Variants in MRPS25 observed in about 807,000 individuals in gnomAD.
MRPS25 encodes mitochondrial ribosomal protein S25, also known as small ribosomal subunit protein mS25.
MRPS25 carries 15 observed loss-of-function variants against 17.3 expected under a neutral mutation model. The ratio of observed to expected loss-of-function variants is 0.87; its 90% CI spans 0.58 to 1.34. The LOEUF is 1.34. Among genes scored for constraint, MRPS25 ranks in the 40% most tolerant of loss-of-function variants. The pLI is 0.00. For missense variants in MRPS25, 225 were observed against 218.6 expected (o/e 1.03, Z -0.19); for synonymous variants, 94 against 83.3 (o/e 1.13, Z -0.70).
rs2042615523 is a variant in MRPS25, at chr3:15,052,290, C to G, written c.*151G>C. The G allele has an allele frequency of 7.0e-7, 1 of 1,422,230 alleles. No individual in the cohort carries two copies. Among genetic ancestry groups the G allele is most frequent in the African/African-American group, 1.4e-5 (1 of 69,794 alleles). The allele number at this position is 1,422,230 out of a possible 1,614,324, so 88.1% of individuals were successfully genotyped here. Reference sequence around the variant, plus strand: ...GCTTCAGACCCTCCTCTCCCACATCCTTTTACACAGGTGTGTAAAGTCCTT... The same window carrying G: ...GCTTCAGACCCTCCTCTCCCACATCGTTTTACACAGGTGTGTAAAGTCCTT... On this transcript the variant is annotated 3_prime_UTR_variant, in exon 4 of 4. Transcript: ENST00000253686.
downstream of MRPS25, chr3:15,047,839 T>TA (rs1553579627): frequency 2.6e-5 from 4 of 152,248 alleles, no homozygotes; most frequent in Non-Finnish European, 5.9e-5. Flanking sequence ...CTCCTTTCTA[T>TA]AAGTTATGAT....
intron 2 of MRPS25, among the ~76,000 whole-genome samples, chr3:15,054,112 T>TGGGAGGCAGAACTGCTTGAACCC (rs1285752236): frequency 2.6e-5 from 4 of 151,548 alleles, no homozygotes; most frequent in Admixed American, 6.6e-5. Flanking sequence ...AAAAATTAGC[T>TGGGAGGCAGAACTGCTTGAACCC]GGGAGGCAGA....
In MRPS25 at chr3:15,053,519, A is replaced by AG. The variant is rs759488374; in HGVS notation, c.242-53dup. ...GAGAAACAGAACTCACAGCGCACTC[A>AG]GCCTCAAAAAGTTGTAATTTGGGAC... is the stretch of plus-strand genomic sequence containing the variant. On this transcript the variant is annotated intron_variant, in intron 2 of 3. Coordinates refer to ENST00000253686, the MANE Select transcript of MRPS25 (RefSeq NM_022497.5). The AG allele has an allele frequency of 5.0e-6, 8 of 1,609,908 alleles. No homozygotes were observed. The South Asian group carries it at 8.8e-5, about 18-fold the overall frequency.
At chr3:15,064,853 C>A (rs951140859) in intron 1 of MRPS25, among the ~76,000 whole-genome samples, 5 of 152,210 alleles carry the variant, frequency 3.3e-5, no homozygotes, top group African/African-American at 1.2e-4. Flanking sequence ...CTCCGCCCCC[C>A]AAACCTCGTC....
At chr3:15,064,938 C>A in intron 1 of MRPS25, 123 bp downstream of exon 1, 3 of 1,295,460 alleles carry the variant, frequency 2.3e-6, no homozygotes, top group South Asian at 2.8e-5. Flanking sequence ...GGTAACAGCG[C>A]CGACCTGGGG....
rs371785281 is a variant in MRPS25 at position 15,050,822 on chromosome 3, A to G, written c.*1619T>C. 2.0e-6 allele frequency: 2 copies of G among 985,388 alleles called. No individual in the cohort carries two copies. The highest frequency in any genetic ancestry group is 2.4e-6 in the Non-Finnish European group (2 of 829,950). The allele number at this position is 985,388 out of a possible 1,614,324, so 61.0% of individuals were successfully genotyped here. ...CAAACCCAGATCTGGTACAGAATCA[A>G]ACTTGAGCATCAAATGTAAAAGATC... On this transcript the variant is annotated 3_prime_UTR_variant, in exon 4 of 4. Coordinates refer to ENST00000253686, the MANE Select transcript of MRPS25 (RefSeq NM_022497.5).
At chr3:15,056,112 G>C (rs1267333190) in intron 2 of MRPS25, among the ~76,000 whole-genome samples, 1 of 151,760 alleles carries the variant, frequency 6.6e-6, no homozygotes, top group Non-Finnish European at 1.5e-5. Context: ...CTACTCGGGA[G>C]GCTGAGGCAG....
chr3:15,045,165 G>C (rs1401337776), downstream of MRPS25: 1 of 152,182 alleles, frequency 6.6e-6, no homozygotes, highest in Non-Finnish European at 1.5e-5. Context: ...CAGCTCAGTG[G>C]TGCCTCTAAC....
At chr3:15,064,273 G>A (rs2042823846) in intron 1 of MRPS25, among the ~76,000 whole-genome samples, 1 of 152,288 alleles carries the variant, frequency 6.6e-6, no homozygotes, top group African/African-American at 2.4e-5. Context: ...CAGAGCCTAA[G>A]GCACTGCTTA....
rs755846776 is a variant in MRPS25, at chr3:15,051,016, C to T, written c.*1425G>A. ...GAAAGCTTTTAGGACTTGACCAAGG[C>T]CCCAGCAGGTAGAGGAATGAAAACT... On this transcript the variant is annotated 3_prime_UTR_variant, in exon 4 of 4. Coordinates refer to ENST00000253686, the MANE Select transcript of MRPS25 (RefSeq NM_022497.5). 5.7e-5 allele frequency: 56 copies of T among 982,908 alleles called. No individual in the cohort carries two copies. The highest frequency in any genetic ancestry group is 6.6e-5 in the Non-Finnish European group (55 of 827,814). 60.9% of individuals were successfully genotyped at this position (982,908 alleles called of 1,614,324 possible). A position where few individuals can be genotyped will look rare whatever the true frequency, so the allele number is the denominator to read the frequency against.
At chr3:15,057,599 C>T (rs557512804) in intron 2 of MRPS25, among the ~76,000 whole-genome samples, 2 of 152,292 alleles carry the variant, frequency 1.3e-5, no homozygotes, top group South Asian at 2.1e-4. Context: ...GAAGGGATAA[C>T]GGGTTGCCTC....
chr3:15,065,294 A>G lies in MRPS25; in HGVS notation c.-100T>C, dbSNP rs1215035744. The G allele has an allele frequency of 5.6e-6, 8 of 1,423,386 alleles. No homozygotes were observed. The Admixed American group carries it at 1.7e-4, about 30-fold the overall frequency. The allele number at this position is 1,423,386 out of a possible 1,614,324, so 88.2% of individuals were successfully genotyped here. ...CGCGGATCTCACGCGGCTTCTCCCCAGAGCCAGGTTCCACTTCCCGCGCAG... is the reference window on the plus strand; with the variant it reads ...CGCGGATCTCACGCGGCTTCTCCCCGGAGCCAGGTTCCACTTCCCGCGCAG... On this transcript the variant is annotated 5_prime_UTR_variant, in exon 1 of 4. Coordinates refer to ENST00000253686, the MANE Select transcript of MRPS25 (RefSeq NM_022497.5).
intron 1 of MRPS25, among the ~76,000 whole-genome samples, chr3:15,062,044 T>TG (rs1351806469): frequency 5.6e-5 from 8 of 142,324 alleles, no homozygotes; most frequent in South Asian, 2.3e-4. Flanking sequence ...GGGAGGGAGT[T>TG]GGGGGTCAGC....
chr3:15,058,726 A>C (rs1429479246), intron 2 of MRPS25, among the ~76,000 whole-genome samples: 1 of 152,200 alleles, frequency 6.6e-6, no homozygotes, highest in Non-Finnish European at 1.5e-5. Flanking sequence ...TAAGGCAGAC[A>C]TTTTGCCTTC....
chr3:15,062,058 C>T (rs1216242007), intron 1 of MRPS25, among the ~76,000 whole-genome samples: 17 of 149,922 alleles, frequency 1.1e-4, no homozygotes, highest in East Asian at 4.1e-4. Context: ...GGTCAGCCCC[C>T]GCCAGGCCAG....
In MRPS25 at chr3:15,052,115, A is replaced by T. The variant is rs2042613867; in HGVS notation, c.*326T>A. ...CAGTAAAGGGTCGCAGGACCAAAACAGGTGTCAACAGGCTGTGGCCTTAAC... is the reference window on the plus strand; with the variant it reads ...CAGTAAAGGGTCGCAGGACCAAAACTGGTGTCAACAGGCTGTGGCCTTAAC... On this transcript the variant is annotated 3_prime_UTR_variant, in exon 4 of 4. Coordinates refer to ENST00000253686, the MANE Select transcript of MRPS25 (RefSeq NM_022497.5). 1.9e-6 allele frequency: 2 copies of T among 1,067,756 alleles called. No individual in the cohort carries two copies. The highest frequency in any genetic ancestry group is 1.1e-6 in the Non-Finnish European group (1 of 882,614). The allele number at this position is 1,067,756 out of a possible 1,614,324, so 66.1% of individuals were successfully genotyped here.
chr3:15,044,401 G>GAT (rs745491080), downstream of MRPS25: 9 of 152,284 alleles, frequency 5.9e-5, no homozygotes, highest in South Asian at 4.1e-4. Flanking sequence ...TTTCCAGGGT[G>GAT]ATAGTCTTTC....
At chr3:15,046,212 TTTA>T (rs1462046396), downstream of MRPS25, 4 of 152,242 alleles carry the variant, frequency 2.6e-5, no homozygotes, top group Non-Finnish European at 5.9e-5. Flanking sequence ...TGTTCTGGGC[TTTA>T]TATTTAATTT....
At chr3:15,042,757 G>T (rs555606686), downstream of MRPS25, 9 of 1,363,008 alleles carry the variant, frequency 6.6e-6, no homozygotes, top group Middle Eastern at 2.1e-4. Context: ...ATACAGACGG[G>T]ACCCCAGGAG....
Sources: allele counts gnomAD v4.1 joint callset (sites outside exome capture counted in the v4.1 genomes callset), GRCh38; gene constraint gnomAD v4.1.1; transcripts MANE v1.5; gene names NCBI Gene and HGNC (gene_info 2026-07-23, HGNC 2026-07-21).